Variants in CADPS observed in about 807,000 individuals in gnomAD.
CADPS encodes calcium-dependent secretion activator 1.
In CADPS, 57 loss-of-function variants were observed where a neutral mutation model predicts 167.3. The ratio of observed to expected loss-of-function variants is 0.34; its 90% confidence interval spans 0.28 to 0.42. CADPS has a LOEUF of 0.42. Among genes scored for constraint, CADPS ranks in the 20% least tolerant of loss-of-function variants. CADPS has a pLI of 1.00. For missense variants in CADPS, 1,414 were observed against 1,738.1 expected (o/e 0.81, Z 3.32); for synonymous variants, 676 against 635.3 (o/e 1.06, Z -0.96).
At chr3:62,444,771 A>T (rs2056935394) in intron 27 of CADPS, among the ~76,000 whole-genome samples, 1 of 151,622 alleles carries the variant, frequency 6.6e-6, no homozygotes, top group African/African-American at 2.4e-5. Context: ...ACCATTACAC[A>T]CTTAGCTTCC....
At chr3:62,474,412 T>C (rs1416077282) in intron 23 of CADPS, 92 bp from the exon 24 acceptor site, 2 of 1,179,556 alleles carry the variant, frequency 1.7e-6, no homozygotes, top group Non-Finnish European at 2.5e-6. Flanking sequence ...AAAAGAAAAT[T>C]GAAGGCTGTA....
chr3:62,536,157 C>T (rs1027226196), intron 12 of CADPS: 7 of 285,474 alleles, frequency 2.5e-5, no homozygotes, highest in Non-Finnish European at 6.6e-6. Flanking sequence ...CAAGCAGGTG[C>T]CAAACTCGAT....
At chr3:62,595,375 A>C (rs2058759986) in intron 6 of CADPS, among the ~76,000 whole-genome samples, 1 of 152,212 alleles carries the variant, frequency 6.6e-6, no homozygotes, top group African/African-American at 2.4e-5. Flanking sequence ...TCTTTGTCTT[A>C]GCAATGGCAA....
intron 6 of CADPS, among the ~76,000 whole-genome samples, chr3:62,637,214 C>T (rs534854766): frequency 1.3e-5 from 2 of 152,104 alleles, no homozygotes; most frequent in Non-Finnish European, 2.9e-5. Context: ...TTTAGGGAAA[C>T]TGAGGCTTAA....
At chr3:62,491,535 CAA>C in intron 20 of CADPS, 55 bp from the exon 21 acceptor site, 4 of 1,113,658 alleles carry the variant, frequency 3.6e-6, no homozygotes, top group Non-Finnish European at 1.3e-6. Context: ...TATCAACGTA[CAA>C]CACACACACA....
At chr3:62,639,343 A>G (rs145410058) in intron 6 of CADPS, among the ~76,000 whole-genome samples, 3,102 of 152,302 alleles carry the variant, frequency 0.02, 37 homozygotes, top group Middle Eastern at 0.054. Context: ...GTCTCTACGT[A>G]AATATCTCCT....
chr3:62,747,018 T>C (rs2152356565), intron 3 of CADPS, among the ~76,000 whole-genome samples: 1 of 152,296 alleles, frequency 6.6e-6, no homozygotes, highest in East Asian at 1.9e-4. Flanking sequence ...AGGTGTGTAG[T>C]GAACAAAGAG....
chr3:62,404,390 C>T (rs907836045), intron 28 of CADPS: 2 of 152,580 alleles, frequency 1.3e-5, no homozygotes, highest in African/African-American at 4.8e-5. Flanking sequence ...CCCTTTCTCA[C>T]CTAAAGATCA....
intron 1 of CADPS, among the ~76,000 whole-genome samples, chr3:62,845,926 C>T (rs77324422): frequency 0.02 from 3,069 of 152,128 alleles, 101 homozygotes; most frequent in African/African-American, 0.069. Context: ...ATTGTAATCC[C>T]TAATGTTGAA....
At chr3:62,572,482 T>C (rs2081469546) in intron 8 of CADPS, among the ~76,000 whole-genome samples, 1 of 152,086 alleles carries the variant, frequency 6.6e-6, no homozygotes, top group African/African-American at 2.4e-5. Flanking sequence ...CACCTGCAAA[T>C]CTTATCATGC....
intron 27 of CADPS, chr3:62,439,016 AACTC>A (rs2055753325): frequency 1.3e-5 from 2 of 152,196 alleles, no homozygotes; most frequent in East Asian, 1.9e-4. Flanking sequence ...AAAAAAAAGA[AACTC>A]AGAAAGCACT....
chr3:62,441,758 G>T (rs1335073672), intron 27 of CADPS, among the ~76,000 whole-genome samples: 1 of 152,172 alleles, frequency 6.6e-6, no homozygotes, highest in East Asian at 1.9e-4. Flanking sequence ...TGAAGGACCT[G>T]GGGAGCTTTA....
intron 4 of CADPS, among the ~76,000 whole-genome samples, chr3:62,657,247 T>G (rs899249689): frequency 9.2e-5 from 14 of 152,336 alleles, no homozygotes; most frequent in Admixed American, 7.8e-4. Flanking sequence ...AGCTACTAAT[T>G]GTGCTCTGTG....
At chr3:62,460,437 C>T (rs1576359818) in intron 26 of CADPS, among the ~76,000 whole-genome samples, 1 of 152,168 alleles carries the variant, frequency 6.6e-6, no homozygotes, top group Non-Finnish European at 1.5e-5. Flanking sequence ...ATCATCAACC[C>T]ACACTGTAAA....
intron 1 of CADPS, among the ~76,000 whole-genome samples, chr3:62,832,995 A>T (rs1003402895): frequency 6.6e-6 from 1 of 152,136 alleles, no homozygotes; most frequent in African/African-American, 2.4e-5. Flanking sequence ...CTAGGTATGG[A>T]ATGTTTTAAA....
Position 62,478,118 on chromosome 3 carries a change from C to G in CADPS, c.3329+143G>C. 3.5e-6 allele frequency: 3 copies of G among 862,244 alleles called. No individual in the cohort carries two copies. The highest frequency in any genetic ancestry group is 5.4e-6 in the Non-Finnish European group (3 of 556,612). 53.4% of individuals were successfully genotyped at this position (862,244 alleles called of 1,614,324 possible). ...AATGGAAGTTAGACGTTGACAGCCA[C>G]TACTCCAGCTGACTTTGACAAGCAA... On this transcript the variant is annotated intron_variant, in intron 23 of 29. Coordinates refer to ENST00000383710, the MANE Select transcript of CADPS (RefSeq NM_003716.4). The surrounding 1 kb of genome is among the most constrained non-coding windows in gnomAD (Gnocchi z 5.7).
intron 3 of CADPS, among the ~76,000 whole-genome samples, chr3:62,692,449 T>C (rs1272249391): frequency 1.3e-5 from 2 of 152,068 alleles, no homozygotes; most frequent in Non-Finnish European, 2.9e-5. Flanking sequence ...AACCTCAGAA[T>C]TGCTCACCAC....
rs568548396 is a variant in CADPS, at chr3:62,560,793, A to G, written c.1645-3280T>C. Among the ~76,000 whole-genome samples the G allele has an allele frequency of 3.2e-4, 48 of 152,232 alleles. No individual in the cohort carries two copies. The South Asian group carries it at 6.6e-3, about 21-fold the overall frequency. ...TGAAGTAATGTTCCTTAAAGAGTGG[A>G]TGGTGGGCTGGGCGCAGTGGCTTAC... On this transcript the variant is annotated intron_variant, in intron 9 of 29. Transcript: ENST00000383710.
intron 3 of CADPS, among the ~76,000 whole-genome samples, chr3:62,703,506 C>T (rs543021949): frequency 5.3e-5 from 8 of 152,262 alleles, no homozygotes; most frequent in African/African-American, 4.8e-5. Context: ...TCAAATATTG[C>T]TGACATTTGG....
Sources: gnomAD v4.1 joint callset for allele counts (sites outside exome capture counted in the v4.1 genomes callset) on GRCh38, gnomAD v4.1.1 for gene constraint, Gnocchi (gnomAD v3.1) non-coding constraint, MANE v1.5 for transcripts, NCBI Gene and HGNC (gene_info 2026-07-23, HGNC 2026-07-21) for gene names.